The following TCF4 variants were observed in gnomAD, a reference collection of about 807,000 sequenced individuals.
TCF4 encodes SL3-3 enhancer factor 2.
A neutral mutation model predicts 82.1 loss-of-function variants in TCF4; 3 were observed. The observed-to-expected ratio is 0.04, with a 90% CI of 0.02 to 0.09. TCF4 has a LOEUF of 0.09. Ranked by LOEUF, TCF4 falls within the 10% of genes least tolerant of loss-of-function variation. TCF4 has a pLI of 1.00. For missense variants in TCF4, 518 were observed against 852.7 expected, an observed-to-expected ratio of 0.61 and a Z score of 4.89; for synonymous variants, 276 against 309.6, an observed-to-expected ratio of 0.89 and a Z score of 1.14.
rs151287015 is a variant in TCF4, at chr18:55,313,811, G to A, written c.550-34155C>T. Reference sequence around the variant, plus strand: ...AATCTTATACCAAAGCCTTGGTAATGTTACACAACTTTTTCAAAATGTTTT... The same window carrying A: ...AATCTTATACCAAAGCCTTGGTAATATTACACAACTTTTTCAAAATGTTTT... On this transcript the variant is annotated intron_variant, in intron 8 of 19. Coordinates refer to ENST00000354452, the MANE Select transcript of TCF4 (RefSeq NM_001083962.2). Among the ~76,000 whole-genome samples the A allele has an allele frequency of 3.3e-5, 5 of 152,246 alleles. No homozygotes were observed. The East Asian group carries it at 9.6e-4, about 29-fold the overall frequency.
At chr18:55,297,341 A>T (rs1379657801) in intron 8 of TCF4, among the ~76,000 whole-genome samples, 1 of 151,960 alleles carries the variant, frequency 6.6e-6, no homozygotes, top group Non-Finnish European at 1.5e-5. Flanking sequence ...GGCTTGTATC[A>T]TACTGTATTT....
intron 2 of TCF4, among the ~76,000 whole-genome samples, chr18:55,606,755 G>A (rs2097702538): frequency 6.6e-6 from 1 of 152,178 alleles, no homozygotes; most frequent in Non-Finnish European, 1.5e-5. Context: ...AGTAATACTT[G>A]TTCTCCTGGT....
At chr18:55,511,562 C>A (rs772317246) in intron 3 of TCF4, among the ~76,000 whole-genome samples, 4 of 152,166 alleles carry the variant, frequency 2.6e-5, no homozygotes, top group South Asian at 4.1e-4. Context: ...GTTCTAAATT[C>A]ATTCTGGAAG....
intron 10 of TCF4, among the ~76,000 whole-genome samples, chr18:55,271,492 G>A (rs1430397169): frequency 1.3e-5 from 2 of 152,038 alleles, no homozygotes; most frequent in African/African-American, 4.8e-5. Flanking sequence ...ACGTATTAGA[G>A]GTAGGATTTT....
At chr18:55,622,881 C>CTGTGTG (rs1168157065) in intron 2 of TCF4, among the ~76,000 whole-genome samples, 2,561 of 149,656 alleles carry the variant, frequency 0.017, 45 homozygotes, top group African/African-American at 0.044. Context: ...TTTCTCCACT[C>CTGTGTG]TGTGTGTGTG....
intron 8 of TCF4, among the ~76,000 whole-genome samples, chr18:55,311,877 TTATC>T (rs1221741146): frequency 3.9e-5 from 6 of 152,232 alleles, no homozygotes; most frequent in Non-Finnish European, 7.3e-5. Context: ...ATAATTGGCA[TTATC>T]TATTACTGTC....
chr18:55,527,767 G>A (rs989492339), intron 3 of TCF4, among the ~76,000 whole-genome samples: 3 of 151,914 alleles, frequency 2.0e-5, no homozygotes, highest in Non-Finnish European at 4.4e-5. Flanking sequence ...TTTTAGATTG[G>A]CCTCCCCCAA....
intron 8 of TCF4, among the ~76,000 whole-genome samples, chr18:55,286,812 T>C (rs1007677761): frequency 6.6e-6 from 1 of 152,194 alleles, no homozygotes; most frequent in African/African-American, 2.4e-5. Flanking sequence ...GTCCAAGTGA[T>C]GGTTAAAGGG....
intron 5 of TCF4, among the ~76,000 whole-genome samples, chr18:55,416,180 A>G (rs2094520114): frequency 6.6e-6 from 1 of 152,192 alleles, no homozygotes; most frequent in South Asian, 2.1e-4. Flanking sequence ...AAGTTTTCCT[A>G]CAGATGCAAA....
chr18:55,347,148 T>C (rs926892775), intron 8 of TCF4, among the ~76,000 whole-genome samples: 5 of 151,954 alleles, frequency 3.3e-5, no homozygotes, highest in Non-Finnish European at 7.4e-5. Flanking sequence ...ACATGCAAAA[T>C]AAATTCTGAC....
chr18:55,276,540 A>G (rs1466938204), intron 9 of TCF4, among the ~76,000 whole-genome samples: 16 of 152,128 alleles, frequency 1.1e-4, no homozygotes, highest in Admixed American at 9.8e-4. Context: ...AAACATCCCT[A>G]CGGATTTTTT....
At chr18:55,420,972 A>T (rs1429519666) in intron 5 of TCF4, among the ~76,000 whole-genome samples, 1 of 152,090 alleles carries the variant, frequency 6.6e-6, no homozygotes, top group Non-Finnish European at 1.5e-5. Context: ...AAAAGAAAAT[A>T]AAAAAAGCTC....
chr18:55,298,169 A>G lies in TCF4; in HGVS notation c.550-18513T>C, dbSNP rs139543842. On this transcript the variant is annotated intron_variant, in intron 8 of 19. Transcript: ENST00000354452. ...TCTCATGCCTCTGAAGTGTGTCTCT[A>G]CAAATATAAACCCACATTTCCCAGC... is the stretch of plus-strand genomic sequence containing the variant. Among the ~76,000 whole-genome samples the G allele has an allele frequency of 5.3e-5, 8 of 152,310 alleles. No homozygotes were observed. The East Asian group carries it at 1.3e-3, about 26-fold the overall frequency.
intron 8 of TCF4, among the ~76,000 whole-genome samples, chr18:55,349,466 A>C (rs941267098): frequency 6.6e-6 from 1 of 152,164 alleles, no homozygotes; most frequent in Non-Finnish European, 1.5e-5. Context: ...TTAAAGTATA[A>C]AAACAATAAG....
chr18:55,223,708 CCTT>C lies in TCF4; in HGVS notation c.*4324_*4326del, dbSNP rs1481076624. The C allele has an allele frequency of 2.9e-5, 3 of 104,074 alleles. No individual in the cohort carries two copies. Among genetic ancestry groups the C allele is most frequent in the Admixed American group, 8.8e-5 (1 of 11,388 alleles). 6.4% of individuals were successfully genotyped at this position (104,074 alleles called of 1,614,324 possible). On this transcript the variant is annotated 3_prime_UTR_variant, in exon 20 of 20. Transcript: ENST00000354452. Reference sequence around the variant, plus strand: ...TTTTTTTTTTTTTTGAAATGTTTTCCCTTTTTTTTTTTTTAACAATTTTTTTAA... The same window carrying C: ...TTTTTTTTTTTTTTGAAATGTTTTCCTTTTTTTTTTTAACAATTTTTTTAA...
intron 5 of TCF4, among the ~76,000 whole-genome samples, chr18:55,437,721 T>A (rs2095358583): frequency 6.6e-6 from 1 of 152,156 alleles, no homozygotes; most frequent in Admixed American, 6.5e-5. Flanking sequence ...AGCCCAGGCA[T>A]CTGCAGTGTA....
chr18:55,415,115 C>T lies in TCF4; in HGVS notation c.305-11597G>A, dbSNP rs1451136251. On this transcript the variant is annotated intron_variant, in intron 5 of 19. Transcript: ENST00000354452. ...GTCCAACAAGAATACTTCTCAAATA[C>T]AATCAAGGCAAGGGGAATATGAAAG... Among the ~76,000 whole-genome samples, 4 of 152,092 alleles carry T rather than the reference C, an allele frequency of 2.6e-5. No individual in the cohort carries two copies. In the East Asian group the frequency reaches 5.8e-4, roughly 22 times the overall value.
At chr18:55,530,695 C>A (rs1444390657) in intron 3 of TCF4, among the ~76,000 whole-genome samples, 10 of 151,584 alleles carry the variant, frequency 6.6e-5, no homozygotes, top group African/African-American at 2.4e-4. Flanking sequence ...AGGAAAAAAA[C>A]AAAATGAAAA....
chr18:55,478,134 T>C (rs1290531673), intron 3 of TCF4, among the ~76,000 whole-genome samples: 1 of 152,190 alleles, frequency 6.6e-6, no homozygotes, highest in African/African-American at 2.4e-5. Flanking sequence ...GCCGGAGCTG[T>C]CAGTAGAGAA....
Sources: allele counts gnomAD v4.1 joint callset (sites outside exome capture counted in the v4.1 genomes callset), GRCh38; gene constraint gnomAD v4.1.1; transcripts MANE v1.5; gene names NCBI Gene and HGNC (gene_info 2026-07-23, HGNC 2026-07-21).